Variants in CSMD1 observed in about 807,000 individuals in gnomAD.
CSMD1 encodes CUB and Sushi multiple domains 1, also known as CUB and sushi domain-containing protein 1.
In CSMD1, 213 loss-of-function variants were observed where a neutral mutation model predicts 417.5. The ratio of observed to expected loss-of-function variants is 0.51; its 90% confidence interval spans 0.46 to 0.57. The LOEUF is 0.57. Among genes scored for constraint, CSMD1 ranks in the 20% least tolerant of loss-of-function variants. The pLI is 0.00. For synonymous variants in CSMD1, 2,862 were observed against 1,736.8 expected, an observed-to-expected ratio of 1.65 and a Z score of -16.11; for missense variants, 6,923 against 4,529.7, an observed-to-expected ratio of 1.53 and a Z score of -15.17.
intron 3 of CSMD1, among the ~76,000 whole-genome samples, chr8:4,118,235 T>C (rs1466852987): frequency 6.6e-6 from 1 of 152,176 alleles, no homozygotes. Flanking sequence ...ACATGCTTTG[T>C]TCCAGCAACT....
chr8:4,181,569 C>A (rs181942766), intron 3 of CSMD1, among the ~76,000 whole-genome samples: 15 of 152,166 alleles, frequency 9.9e-5, no homozygotes, highest in African/African-American at 3.1e-4. Flanking sequence ...ACATGCAAAG[C>A]CTTACTGGGC....
chr8:3,897,372 T>G (rs994698026), intron 5 of CSMD1, among the ~76,000 whole-genome samples: 5 of 152,320 alleles, frequency 3.3e-5, no homozygotes, highest in African/African-American at 9.6e-5. Flanking sequence ...ATTCCTACAT[T>G]TGAATACGTG....
At chr8:4,346,052 A>G (rs1462307071) in intron 3 of CSMD1, among the ~76,000 whole-genome samples, 1 of 152,172 alleles carries the variant, frequency 6.6e-6, no homozygotes, top group African/African-American at 2.4e-5. Flanking sequence ...CAGATTGTTC[A>G]TGGTCCATGT....
intron 3 of CSMD1, among the ~76,000 whole-genome samples, chr8:4,225,747 G>A (rs1198529248): frequency 6.6e-6 from 1 of 151,994 alleles, no homozygotes; most frequent in Admixed American, 6.6e-5. Flanking sequence ...TCTGAGTAAA[G>A]GTTTCAATGG....
At chr8:3,480,135 G>C (rs1025297896) in intron 11 of CSMD1, among the ~76,000 whole-genome samples, 5 of 152,062 alleles carry the variant, frequency 3.3e-5, no homozygotes. Flanking sequence ...TAGGTGGATG[G>C]ATTGCCTGAG....
At chr8:3,794,723 C>G (rs893285090) in intron 5 of CSMD1, among the ~76,000 whole-genome samples, 2 of 152,110 alleles carry the variant, frequency 1.3e-5, no homozygotes, top group South Asian at 4.1e-4. Flanking sequence ...AAAACTCCTC[C>G]GATATCTCAC....
intron 2 of CSMD1, among the ~76,000 whole-genome samples, chr8:4,427,338 A>C (rs1249191352): frequency 6.6e-6 from 1 of 152,104 alleles, no homozygotes; most frequent in African/African-American, 2.4e-5. Context: ...GTTACATGTC[A>C]AACTGTGTCA....
At chr8:4,762,433 C>T (rs1040901137) in intron 1 of CSMD1, among the ~76,000 whole-genome samples, 2 of 152,038 alleles carry the variant, frequency 1.3e-5, no homozygotes, top group Non-Finnish European at 2.9e-5. Context: ...CTATATCAAA[C>T]GTGTATTTTC....
chr8:3,181,466 T>C (rs149961606), intron 36 of CSMD1, among the ~76,000 whole-genome samples: 68 of 152,316 alleles, frequency 4.5e-4, no homozygotes, highest in African/African-American at 1.5e-3. Context: ...AAAACTCCTA[T>C]TGTAGCATGA....
At chr8:3,013,942 G>A (rs1808624272) in intron 52 of CSMD1, among the ~76,000 whole-genome samples, 1 of 152,078 alleles carries the variant, frequency 6.6e-6, no homozygotes, top group African/African-American at 2.4e-5. Context: ...AGCATTGCAT[G>A]GCAGCACTTG....
rs574288329 is a variant in CSMD1, at chr8:3,520,739, A to T, written c.1345-27013T>A. Among the ~76,000 whole-genome samples, 181 of 151,738 alleles carry T rather than the reference A, an allele frequency of 1.2e-3. 1 individual carries two copies. Among genetic ancestry groups the T allele is most frequent in the African/African-American group, 4.1e-3 (170 of 41,360 alleles). On this transcript the variant is annotated intron_variant, in intron 10 of 69. Coordinates refer to ENST00000635120, the MANE Select transcript of CSMD1 (RefSeq NM_033225.6). ...GCTGCCCACCTTTTTTTGTGTGTAT[A>T]TCCTACAATGACACTTGCTTATCAC...
intron 25 of CSMD1, 85 bp from the exon 26 acceptor site, chr8:3,284,431 G>A (rs3802298): frequency 5.0e-6 from 5 of 996,692 alleles, no homozygotes; most frequent in Admixed American, 2.0e-5. Flanking sequence ...AGCTCATTTC[G>A]CTTTCACACA....
chr8:3,832,182 G>A (rs947930375), intron 5 of CSMD1, among the ~76,000 whole-genome samples: 3 of 152,260 alleles, frequency 2.0e-5, no homozygotes, highest in African/African-American at 4.8e-5. Flanking sequence ...AACAGCCGTG[G>A]AGGCTGAGTC....
intron 5 of CSMD1, among the ~76,000 whole-genome samples, chr8:3,803,412 G>C (rs1246064416): frequency 1.3e-5 from 2 of 152,194 alleles, no homozygotes; most frequent in African/African-American, 4.8e-5. Context: ...AGGTAGTGTA[G>C]GTAGAGCTTG....
At chr8:4,829,937 T>C (rs115098528) in intron 1 of CSMD1, among the ~76,000 whole-genome samples, 3 of 152,090 alleles carry the variant, frequency 2.0e-5, no homozygotes, top group South Asian at 2.1e-4. Context: ...CCTTCTGATG[T>C]AGAAAGAAAA....
rs7819528 is a variant in CSMD1, at chr8:4,448,281, T to C, written c.303-28216A>G. Among the ~76,000 whole-genome samples, 995 of 152,232 alleles carry C rather than the reference T, an allele frequency of 6.5e-3. 7 individuals are homozygous for C. The highest frequency in any genetic ancestry group is 0.023 in the African/African-American group (950 of 41,546). On this transcript the variant is annotated intron_variant, in intron 2 of 69. Transcript: ENST00000635120. The stretch of plus-strand genomic sequence containing the variant: ...AGCAAAGCATTTCCAAATATAGTTA[T>C]AACACAAAAAAGGGTACATTTTGTT...
intron 5 of CSMD1, among the ~76,000 whole-genome samples, chr8:3,952,037 G>T (rs7004143): frequency 0.012 from 1,819 of 152,224 alleles, 42 homozygotes; most frequent in African/African-American, 0.041. Flanking sequence ...AAAAGATACT[G>T]ACCTAGGTAA....
intron 2 of CSMD1, among the ~76,000 whole-genome samples, chr8:4,460,345 G>C (rs76037970): frequency 0.14 from 21,708 of 152,038 alleles, 1,923 homozygotes; most frequent in South Asian, 0.24. Flanking sequence ...ATTGCATAGA[G>C]GGAAATTTAG....
chr8:4,135,910 G>C (rs147463203), intron 3 of CSMD1, among the ~76,000 whole-genome samples: 2 of 152,084 alleles, frequency 1.3e-5, no homozygotes, highest in East Asian at 1.9e-4. Flanking sequence ...GTTTTATTTA[G>C]CATATGTTAG....
Sources: gnomAD v4.1 joint callset for allele counts (sites outside exome capture counted in the v4.1 genomes callset) on GRCh38, gnomAD v4.1.1 for gene constraint, MANE v1.5 for transcripts, NCBI Gene and HGNC (gene_info 2026-07-23, HGNC 2026-07-21) for gene names.